Variants in DPP6 observed in about 807,000 individuals in gnomAD.
DPP6 encodes the protein A-type potassium channel modulatory protein DPP6.
DPP6 carries 69 observed loss-of-function variants against 122.6 expected under a neutral mutation model. The ratio of observed to expected loss-of-function variants is 0.56; its 90% CI spans 0.46 to 0.69. The LOEUF (loss-of-function observed/expected upper bound fraction) is 0.69, where lower values mean the gene tolerates loss of function less well. Ranked by LOEUF, DPP6 falls within the 30% of genes least tolerant of loss-of-function variation. DPP6 has a pLI of 0.00. For missense variants in DPP6, 928 were observed against 1,116.9 expected, an observed-to-expected ratio of 0.83 and a Z score of 2.41; for synonymous variants, 418 against 433.1, an observed-to-expected ratio of 0.97 and a Z score of 0.43.
At chr7:154,766,575 G>A (rs748806931) in intron 8 of DPP6, among the ~76,000 whole-genome samples, 3 of 152,200 alleles carry the variant, frequency 2.0e-5, no homozygotes, top group Non-Finnish European at 4.4e-5. Flanking sequence ...CCAAAGTGCT[G>A]AGATTAAAGG....
chr7:154,180,721 T>A (rs965305526), intron 1 of DPP6, among the ~76,000 whole-genome samples: 10 of 152,016 alleles, frequency 6.6e-5, no homozygotes, highest in Middle Eastern at 3.4e-3. Flanking sequence ...AATCTTTTTT[T>A]AAAAAAATTC....
intron 8 of DPP6, among the ~76,000 whole-genome samples, chr7:154,738,277 C>G (rs1842660759): frequency 6.6e-6 from 1 of 152,204 alleles, no homozygotes; most frequent in Non-Finnish European, 1.5e-5. Flanking sequence ...GATGACTGCT[C>G]TCCTGGTCTG....
intron 17 of DPP6, among the ~76,000 whole-genome samples, chr7:154,861,773 A>G (rs1803418150): frequency 6.6e-6 from 1 of 151,262 alleles, no homozygotes; most frequent in Non-Finnish European, 1.5e-5. Flanking sequence ...AGCACACCTG[A>G]CTCATTTCCA....
At chr7:154,464,886 C>T (rs961781966) in intron 2 of DPP6, among the ~76,000 whole-genome samples, 1 of 152,258 alleles carries the variant, frequency 6.6e-6, no homozygotes, top group Admixed American at 6.5e-5. Context: ...CCAGTGGATG[C>T]CTGAAACCAT....
intron 1 of DPP6, among the ~76,000 whole-genome samples, chr7:154,413,199 T>G (rs1272579611): frequency 2.0e-5 from 3 of 152,240 alleles, no homozygotes; most frequent in Non-Finnish European, 2.9e-5. Context: ...TTGGGCTATC[T>G]TAAATTCTTT....
At chr7:154,254,511 C>T (rs992372012) in intron 1 of DPP6, among the ~76,000 whole-genome samples, 3 of 152,186 alleles carry the variant, frequency 2.0e-5, no homozygotes, top group East Asian at 1.9e-4. Context: ...AAAATCCAAG[C>T]GGGTAAGCAG....
At position 154,594,028 on chromosome 7, in the gene DPP6, A is replaced by G. The variant is rs144525417; in HGVS notation, c.627+27112A>G. Among the ~76,000 whole-genome samples, 784 of 152,314 alleles carry G rather than the reference A, an allele frequency of 5.1e-3. 9 individuals carry two copies. Among genetic ancestry groups the G allele is most frequent in the African/African-American group, 0.017 (726 of 41,576 alleles). On this transcript the variant is annotated intron_variant, in intron 5 of 25. Transcript: ENST00000377770. Reference sequence around the variant, plus strand: ...GAGGAGCTCTCAAAGAAAATGTGCCATATATTCAGGCACCTGGGGAGTGGT... The same window carrying G: ...GAGGAGCTCTCAAAGAAAATGTGCCGTATATTCAGGCACCTGGGGAGTGGT...
intron 10 of DPP6, among the ~76,000 whole-genome samples, chr7:154,781,073 C>T (rs13244192): frequency 0.85 from 128,403 of 151,902 alleles, 54,613 homozygotes; most frequent in African/African-American, 0.94. Context: ...GGATGATGGA[C>T]AGTTGGATGA....
upstream of DPP6, among the ~76,000 whole-genome samples, chr7:154,052,105 C>G (rs889928707): frequency 3.4e-4 from 37 of 108,388 alleles, no homozygotes; most frequent in African/African-American, 8.9e-4. This position sits in a 1 kb window ranked among gnomAD's most constrained non-coding sequence, Gnocchi z 4.8. Context: ...CGTCCGCTCG[C>G]GTGCTGCGGG....
intron 1 of DPP6, among the ~76,000 whole-genome samples, chr7:153,917,036 G>A (rs1241753720): frequency 6.6e-6 from 1 of 152,214 alleles, no homozygotes; most frequent in African/African-American, 2.4e-5. Context: ...TGGATCATCT[G>A]AAAATCTTGT....
the DPP6 span, among the ~76,000 whole-genome samples, chr7:153,752,968 T>C: frequency 6.6e-6 from 1 of 152,192 alleles, no homozygotes; most frequent in Non-Finnish European, 1.5e-5. Context: ...AGTTTGCATA[T>C]AGTAAGCATT....
the DPP6 span, among the ~76,000 whole-genome samples, chr7:153,853,768 G>C: frequency 1.3e-5 from 2 of 152,208 alleles, no homozygotes; most frequent in Admixed American, 6.5e-5. Flanking sequence ...TAAAAAAATA[G>C]TTATTCTTTT....
chr7:154,572,950 G>A (rs1260642486), intron 5 of DPP6, among the ~76,000 whole-genome samples: 1 of 151,916 alleles, frequency 6.6e-6, no homozygotes, highest in Admixed American at 6.6e-5. Flanking sequence ...AAAATGCTGG[G>A]GTTACAGGGG....
chr7:153,849,535 C>G, the DPP6 span, among the ~76,000 whole-genome samples: 1 of 152,088 alleles, frequency 6.6e-6, no homozygotes, highest in Non-Finnish European at 1.5e-5. Context: ...GAAAGAAGAA[C>G]CGGTTAATAT....
chr7:153,757,438 C>T, the DPP6 span, among the ~76,000 whole-genome samples: 4 of 152,184 alleles, frequency 2.6e-5, no homozygotes, highest in African/African-American at 4.8e-5. Flanking sequence ...TGTGTGACTT[C>T]ATACAGAAAA....
the DPP6 span, among the ~76,000 whole-genome samples, chr7:153,799,144 T>C: frequency 6.6e-6 from 1 of 152,186 alleles, no homozygotes; most frequent in Non-Finnish European, 1.5e-5. Context: ...GACTGATAGC[T>C]ACTGGTAGCT....
chr7:154,389,529 T>G (rs1814430240), intron 1 of DPP6, among the ~76,000 whole-genome samples: 1 of 152,214 alleles, frequency 6.6e-6, no homozygotes, highest in Non-Finnish European at 1.5e-5. Context: ...ACTATGGCTT[T>G]GCATCTGAGA....
chr7:154,495,993 C>T (rs1257941079), intron 3 of DPP6, among the ~76,000 whole-genome samples: 1 of 152,176 alleles, frequency 6.6e-6, no homozygotes, highest in East Asian at 1.9e-4. Flanking sequence ...AACTTCTCCT[C>T]CACTGGGATT....
chr7:154,892,670 G>T lies in DPP6; in HGVS notation c.*190G>T, dbSNP rs1806722258. 1.7e-6 allele frequency: 2 copies of T among 1,187,382 alleles called. No individual in the cohort carries two copies. Among genetic ancestry groups the T allele is most frequent in the African/African-American group, 1.5e-5 (1 of 66,472 alleles). 73.6% of individuals were successfully genotyped at this position (1,187,382 alleles called of 1,614,324 possible). A position where few individuals can be genotyped will look rare whatever the true frequency, so the allele number is the denominator to read the frequency against. Reference sequence around the variant, plus strand: ...CTCCTTCCCCGGGGTCATCACTCACGGCCTCCATGGCACCAGGGACAACGC... The same window carrying T: ...CTCCTTCCCCGGGGTCATCACTCACTGCCTCCATGGCACCAGGGACAACGC... On this transcript the variant is annotated 3_prime_UTR_variant, in exon 26 of 26. Transcript: ENST00000377770.
Sources: allele counts gnomAD v4.1 joint callset (sites outside exome capture counted in the v4.1 genomes callset), GRCh38; gene constraint gnomAD v4.1.1; non-coding constraint Gnocchi (gnomAD v3.1); transcripts MANE v1.5; gene names NCBI Gene and HGNC (gene_info 2026-07-23, HGNC 2026-07-21).